The following ATP2B2 variants were observed in gnomAD, a reference collection of about 807,000 sequenced individuals.
The protein encoded by ATP2B2 is plasma membrane calcium-transporting ATPase 2.
ATP2B2 carries 15 observed loss-of-function variants against 120.0 expected under a neutral mutation model. The ratio of observed to expected loss-of-function variants is 0.12; its 90% CI spans 0.08 to 0.19. The LOEUF is 0.19. Ranked by LOEUF, ATP2B2 falls within the 10% of genes least tolerant of loss-of-function variation. ATP2B2 has a pLI of 1.00. For missense variants in ATP2B2, 1,045 were observed against 1,719.8 expected (o/e 0.61, Z 6.94); for synonymous variants, 694 against 700.3 (o/e 0.99, Z 0.14).
At chr3:10,594,989 A>G (rs2068731793) in intron 2 of ATP2B2, among the ~76,000 whole-genome samples, 1 of 152,242 alleles carries the variant, frequency 6.6e-6, no homozygotes, top group Non-Finnish European at 1.5e-5. Flanking sequence ...TGCAGCAACC[A>G]CCATCAATTC....
chr3:10,555,823 T>C (rs1168835660), intron 2 of ATP2B2, among the ~76,000 whole-genome samples: 6 of 152,154 alleles, frequency 3.9e-5, no homozygotes, highest in Non-Finnish European at 7.3e-5. Flanking sequence ...GATGCCTGCA[T>C]AGCTGGCCTG....
intron 2 of ATP2B2, among the ~76,000 whole-genome samples, chr3:10,594,484 G>A (rs1179849920): frequency 6.7e-6 from 1 of 148,724 alleles, no homozygotes; most frequent in Non-Finnish European, 1.5e-5. Flanking sequence ...ACCAAACATT[G>A]CATGTTCTCA....
At chr3:10,407,846 A>G (rs145483763) in intron 3 of ATP2B2, among the ~76,000 whole-genome samples, 147 of 151,712 alleles carry the variant, frequency 9.7e-4, no homozygotes, top group African/African-American at 3.5e-3. Context: ...TATTTCCTTC[A>G]ATCATCACAA....
chr3:10,651,076 T>C (rs1249997966), intron 1 of ATP2B2, among the ~76,000 whole-genome samples: 1 of 152,242 alleles, frequency 6.6e-6, no homozygotes, highest in East Asian at 1.9e-4. Flanking sequence ...AGGAAGTAAC[T>C]AGCTTGCTTT....
rs1280488968 is a variant in ATP2B2 at position 10,449,371 on chromosome 3, C to T, written c.173G>A (p.Arg58Gln). The part of the protein sequence containing the change: ...ETYGDTEAIC[R>Q]RLKTSPVEGL... ...TTCAACAGGTGAGGTTTTGAGGCGCCGGCAGATGGCTTCGGTGTCCCCATA... is the reference window on the plus strand; with the variant it reads ...TTCAACAGGTGAGGTTTTGAGGCGCTGGCAGATGGCTTCGGTGTCCCCATA... Residue 58 changes from arginine (R) to glutamine (Q), a missense_variant, in exon 2 of 23, where the codon CGG (arginine) becomes CAG (glutamine). This residue lies in a region of ATP2B2 where 139 missense variants were observed against 134.2 expected (regional missense o/e 1.04). Transcript: ENST00000360273. 6.8e-6 allele frequency: 11 copies of T among 1,614,110 alleles called. No homozygotes were observed. Among genetic ancestry groups the T allele is most frequent in the African/African-American group, 4.0e-5 (3 of 74,940 alleles).
intron 1 of ATP2B2, among the ~76,000 whole-genome samples, chr3:10,649,146 T>C (rs1419924550): frequency 1.3e-5 from 2 of 152,222 alleles, no homozygotes; most frequent in African/African-American, 4.8e-5. Flanking sequence ...TGATTTTAAG[T>C]GATCTTCCCA....
chr3:10,341,492 G>A (rs1256841753), intron 19 of ATP2B2, among the ~76,000 whole-genome samples: 1 of 152,100 alleles, frequency 6.6e-6, no homozygotes, highest in Non-Finnish European at 1.5e-5. Flanking sequence ...TGTATTTTTA[G>A]TAGAGATGGG....
intron 2 of ATP2B2, among the ~76,000 whole-genome samples, chr3:10,415,757 A>C (rs915325086): frequency 3.9e-5 from 6 of 152,262 alleles, no homozygotes; most frequent in Admixed American, 3.3e-4. Context: ...CGCATATTAA[A>C]AATTAATACA....
chr3:10,338,053 C>T, intron 22 of ATP2B2, 123 bp downstream of exon 22: 1 of 1,331,792 alleles, frequency 7.5e-7, no homozygotes, highest in South Asian at 1.3e-5. Flanking sequence ...GGCCGGGACC[C>T]CTCTGTAGCC....
At chr3:10,411,690 C>A (rs2062617049) in intron 2 of ATP2B2, among the ~76,000 whole-genome samples, 1 of 152,220 alleles carries the variant, frequency 6.6e-6, no homozygotes. Flanking sequence ...TACCAAGTGC[C>A]TGGCACTGTT....
In ATP2B2 at chr3:10,522,189, G is replaced by A. The variant is rs114792154; in HGVS notation, c.-320+11850C>T. Among the ~76,000 whole-genome samples the A allele has an allele frequency of 4.9e-3, 742 of 152,318 alleles. 3 individuals are homozygous for A. The highest frequency in any genetic ancestry group is 0.017 in the African/African-American group (696 of 41,562). ...TGAAAAGTGCAGTGTCCACCCTCCAGCTCCTCGTGGTCCCGTGTATGTGTA... is the reference window on the plus strand; with the variant it reads ...TGAAAAGTGCAGTGTCCACCCTCCAACTCCTCGTGGTCCCGTGTATGTGTA... On this transcript the variant is annotated intron_variant, in intron 3 of 21. Coordinates refer to the ATP2B2 transcript ENST00000646379.
chr3:10,386,592 A>C (rs2061688050), intron 6 of ATP2B2, 80 bp from the exon 7 acceptor site: 1 of 1,464,542 alleles, frequency 6.8e-7, no homozygotes, highest in Non-Finnish European at 9.6e-7. Flanking sequence ...CACACACACA[A>C]ACACACATGT....
intron 12 of ATP2B2, among the ~76,000 whole-genome samples, chr3:10,361,202 T>A (rs1381083713): frequency 6.6e-6 from 1 of 152,088 alleles, no homozygotes; most frequent in African/African-American, 2.4e-5. Flanking sequence ...TCAAAAATGG[T>A]CAAATATGGG....
intron 2 of ATP2B2, among the ~76,000 whole-genome samples, chr3:10,544,152 G>A (rs2067495738): frequency 1.3e-5 from 2 of 152,050 alleles, no homozygotes; most frequent in Admixed American, 1.3e-4. Context: ...CTGCCATCAT[G>A]GTCACTATCT....
chr3:10,388,456 C>A, intron 5 of ATP2B2, 54 bp from the exon 6 acceptor site: 1 of 1,613,296 alleles, frequency 6.2e-7, no homozygotes, highest in East Asian at 2.2e-5. Flanking sequence ...GCCGTCTCCC[C>A]AAAGGAGTGA....
chr3:10,562,071 C>T (rs190071972), intron 2 of ATP2B2, among the ~76,000 whole-genome samples: 3 of 152,312 alleles, frequency 2.0e-5, no homozygotes, highest in African/African-American at 7.2e-5. Flanking sequence ...GACAACGTTC[C>T]TGCTCTTAGA....
chr3:10,379,490 G>A (rs571221076), intron 8 of ATP2B2, among the ~76,000 whole-genome samples: 2 of 152,316 alleles, frequency 1.3e-5, no homozygotes, highest in South Asian at 2.1e-4. Flanking sequence ...CCTGCCAGCC[G>A]GGCAACTCTT....
chr3:10,538,530 G>A (rs1198262677), intron 2 of ATP2B2, among the ~76,000 whole-genome samples: 4 of 152,172 alleles, frequency 2.6e-5, no homozygotes, highest in African/African-American at 9.7e-5. Context: ...TATCCGCCAC[G>A]ATCAAGTTGG....
chr3:10,367,387 G>C (rs1453134583), intron 12 of ATP2B2, among the ~76,000 whole-genome samples: 1 of 151,998 alleles, frequency 6.6e-6, no homozygotes, highest in Admixed American at 6.6e-5. Flanking sequence ...GGTTTTCCTA[G>C]CTGCGAGATG....
Sources: gnomAD v4.1 joint callset for allele counts (sites outside exome capture counted in the v4.1 genomes callset) on GRCh38, gnomAD v4.1.1 for gene constraint, gnomAD v4.1.1 regional missense constraint, MANE v1.5 for transcripts, NCBI Gene and HGNC (gene_info 2026-07-23, HGNC 2026-07-21) for gene names.